The following RPN1 variants were observed in gnomAD, a reference collection of about 807,000 sequenced individuals.
The protein encoded by RPN1 is ribophorin I.
A neutral mutation model predicts 55.5 loss-of-function variants in RPN1; 12 were observed. That is an observed-to-expected ratio of 0.22 (90% CI 0.14 to 0.35). RPN1 has a LOEUF of 0.35. Ranked by LOEUF, RPN1 falls within the 10% of genes least tolerant of loss-of-function variation. The pLI is 1.00. For synonymous variants in RPN1, 317 were observed against 305.9 expected (o/e 1.04, Z -0.38); for missense variants, 679 against 761.3 (o/e 0.89, Z 1.27).
chr3:128,627,574 C>T (rs2069608636), intron 5 of RPN1, among the ~76,000 whole-genome samples: 4 of 151,944 alleles, frequency 2.6e-5, no homozygotes, highest in Admixed American at 6.6e-5. Flanking sequence ...AGTTCAAGAC[C>T]AGCCTGGCCA....
At chr3:128,639,864 G>A (rs1399066327) in intron 2 of RPN1, among the ~76,000 whole-genome samples, 1 of 152,202 alleles carries the variant, frequency 6.6e-6, no homozygotes. Context: ...TGGGATTACA[G>A]GCATGAGCCA....
At chr3:128,649,790 G>C (rs780827277) in intron 1 of RPN1, among the ~76,000 whole-genome samples, 1 of 152,186 alleles carries the variant, frequency 6.6e-6, no homozygotes, top group Non-Finnish European at 1.5e-5. Context: ...GCAGCAGGGG[G>C]AAGGGAGAAA....
At chr3:128,639,849 A>T (rs902971611) in intron 2 of RPN1, among the ~76,000 whole-genome samples, 2 of 152,114 alleles carry the variant, frequency 1.3e-5, no homozygotes, top group African/African-American at 4.8e-5. Flanking sequence ...GGGCTCCCAA[A>T]GTGCTGGGAT....
intron 2 of RPN1, among the ~76,000 whole-genome samples, chr3:128,642,739 G>A (rs902008406): frequency 6.6e-5 from 10 of 152,036 alleles, no homozygotes; most frequent in Admixed American, 4.6e-4. Context: ...AAGAAAAAAA[G>A]GGGTCAGGCG....
rs569615994 is a variant in RPN1 at position 128,638,227 on chromosome 3, C to T, written c.327-122G>A. ...AAAAGCAATTATCTTTAAGAGATCA[C>T]CTTTTCCTTTTTGAGATGGAGTCTC... On this transcript the variant is annotated intron_variant, in intron 2 of 9. Transcript: ENST00000296255. 9.4e-5 allele frequency: 65 copies of T among 688,464 alleles called. 2 individuals are homozygous for T. The South Asian group carries it at 1.2e-3, about 13-fold the overall frequency. The allele number at this position is 688,464 out of a possible 1,614,324, so 42.6% of individuals were successfully genotyped here.
At chr3:128,648,222 G>A (rs2107723324) in intron 1 of RPN1, among the ~76,000 whole-genome samples, 2 of 152,186 alleles carry the variant, frequency 1.3e-5, no homozygotes, top group South Asian at 4.2e-4. Context: ...GTGAAACCCT[G>A]TCTCTACAAA....
At position 128,650,711 on chromosome 3, in the gene RPN1, C is replaced by T; in HGVS notation, c.90G>A (p.Pro30=). The T allele has an allele frequency of 1.3e-6, 2 of 1,566,534 alleles. No homozygotes were observed. The highest frequency in any genetic ancestry group is 1.7e-6 in the Non-Finnish European group (2 of 1,155,620). ...TGCGCTTCACGTCCTCATTGATCAG[C>T]GGCGGTGCCTCGGAGGAGGCGCTGC... ...APGSASSEAP[P]LINEDVKRTV... Residue 30 remains proline (P), a synonymous_variant, in exon 1 of 10, where the codon CCG becomes CCA. Transcript: ENST00000296255.
chr3:128,635,782 A>G (rs2069677776), intron 3 of RPN1, among the ~76,000 whole-genome samples: 1 of 150,280 alleles, frequency 6.7e-6, no homozygotes, highest in Non-Finnish European at 1.5e-5. Context: ...ATATATATAA[A>G]TATATAAGTG....
At chr3:128,627,097 G>A (rs2069604845) in intron 5 of RPN1, 1 of 433,744 alleles carries the variant, frequency 2.3e-6, no homozygotes, top group Non-Finnish European at 4.3e-6. Flanking sequence ...AGAAGAAACA[G>A]GGCAACTGAT....
At position 128,649,748 on chromosome 3, in the gene RPN1, A is replaced by T. The variant is rs754975795; in HGVS notation, c.261+792T>A. Among the ~76,000 whole-genome samples the T allele has an allele frequency of 5.1e-4, 78 of 152,346 alleles. No homozygotes were observed. In the Middle Eastern group the frequency reaches 0.017, roughly 33 times the overall value. On this transcript the variant is annotated intron_variant, in intron 1 of 9. Coordinates refer to ENST00000296255, the MANE Select transcript of RPN1 (RefSeq NM_002950.4). ...ACCTGGAAACATTTAAGCCAAACAC[A>T]GCCATTTATTGCCGAGGTGTAAGAA...
intron 4 of RPN1, among the ~76,000 whole-genome samples, 173 bp downstream of exon 4, chr3:128,631,775 A>G (rs562171501): frequency 3.3e-5 from 5 of 152,082 alleles, no homozygotes; most frequent in Non-Finnish European, 5.9e-5. Context: ...ATCTATATAT[A>G]TGGGGGGGTA....
intron 4 of RPN1, among the ~76,000 whole-genome samples, chr3:128,631,199 C>T (rs1444721858): frequency 6.6e-6 from 1 of 151,668 alleles, no homozygotes; most frequent in East Asian, 1.9e-4. Flanking sequence ...GGCGGCCGGG[C>T]GCGGTGGCTC....
At chr3:128,641,249 T>C (rs2069722463) in intron 2 of RPN1, 1 of 152,124 alleles carries the variant, frequency 6.6e-6, no homozygotes, top group Non-Finnish European at 1.5e-5. Context: ...TAAAGACAAA[T>C]TCATATAATG....
chr3:128,643,843 A>C (rs2069747051), intron 2 of RPN1, among the ~76,000 whole-genome samples: 1 of 152,014 alleles, frequency 6.6e-6, no homozygotes, highest in African/African-American at 2.4e-5. Flanking sequence ...CACGCCTGTA[A>C]TCCCAGATAC....
chr3:128,640,528 ACT>A (rs965487892), intron 2 of RPN1, among the ~76,000 whole-genome samples: 6 of 152,180 alleles, frequency 3.9e-5, no homozygotes, highest in African/African-American at 1.2e-4. Context: ...TTCTCATCCC[ACT>A]CTCTGTCCTG....
chr3:128,640,630 C>G (rs1039401755), intron 2 of RPN1, among the ~76,000 whole-genome samples: 1 of 152,136 alleles, frequency 6.6e-6, no homozygotes, highest in African/African-American at 2.4e-5. Flanking sequence ...TTCATGATCC[C>G]AAGTCTTGAT....
At chr3:128,639,834 G>A (rs1347922899) in intron 2 of RPN1, among the ~76,000 whole-genome samples, 4 of 152,152 alleles carry the variant, frequency 2.6e-5, no homozygotes, top group East Asian at 3.9e-4. Context: ...TGATACACCC[G>A]CCTCGGGCTC....
At chr3:128,641,902 C>A (rs915447439) in intron 2 of RPN1, among the ~76,000 whole-genome samples, 1 of 152,088 alleles carries the variant, frequency 6.6e-6, no homozygotes, top group African/African-American at 2.4e-5. Flanking sequence ...TGAGCCACCA[C>A]GCCTGGCCAA....
intron 2 of RPN1, among the ~76,000 whole-genome samples, chr3:128,643,793 C>CAA (rs756506017): frequency 2.8e-5 from 4 of 141,750 alleles, no homozygotes; most frequent in Non-Finnish European, 4.6e-5. Flanking sequence ...GAAACTCTCT[C>CAA]AAAAAAAAAA....
Sources: gnomAD v4.1 joint callset for allele counts (sites outside exome capture counted in the v4.1 genomes callset) on GRCh38, gnomAD v4.1.1 for gene constraint, MANE v1.5 for transcripts, NCBI Gene and HGNC (gene_info 2026-07-23, HGNC 2026-07-21) for gene names.